The following IER3IP1 variants were observed in gnomAD, a reference collection of about 807,000 sequenced individuals.
IER3IP1 encodes immediate early response 3 interacting protein 1.
Under a neutral mutation model 12.2 loss-of-function variants are expected in IER3IP1, and 16 were observed. The observed-to-expected ratio is 1.31, with a 90% confidence interval of 0.89 to 1.99. The LOEUF (loss-of-function observed/expected upper bound fraction) is 1.99. Ranked by LOEUF, IER3IP1 falls within the 30% of genes most tolerant of loss-of-function variation. The pLI is 0.00. For missense variants in IER3IP1, 95 were observed against 95.8 expected, an observed-to-expected ratio of 0.99 and a Z score of 0.03; for synonymous variants, 42 against 40.0, an observed-to-expected ratio of 1.05 and a Z score of -0.19.
chr18:47,160,268 C>T (rs2063975869), intron 1 of IER3IP1, among the ~76,000 whole-genome samples: 1 of 152,130 alleles, frequency 6.6e-6, no homozygotes, highest in South Asian at 2.1e-4. Flanking sequence ...ATACATTCCA[C>T]ATCCACTTAT....
In IER3IP1 at chr18:47,176,335, G is replaced by T. The variant is rs779689955; in HGVS notation, c.-58C>A. On this transcript the variant is annotated 5_prime_UTR_variant, in exon 1 of 3. Transcript: ENST00000256433. ...TTTCTCTCCCGCCGCCGCAAGGGAC[G>T]TGGCGCCTCCACGGCCGGCGCCTTC... The T allele has an allele frequency of 8.2e-6, 12 of 1,470,472 alleles. No individual in the cohort carries two copies. The highest frequency in any genetic ancestry group is 1.1e-5 in the Non-Finnish European group (12 of 1,073,330). 91.1% of individuals were successfully genotyped at this position (1,470,472 alleles called of 1,614,324 possible).
chr18:47,168,945 A>G (rs1368677609), intron 1 of IER3IP1, among the ~76,000 whole-genome samples: 1 of 152,222 alleles, frequency 6.6e-6, no homozygotes, highest in Non-Finnish European at 1.5e-5. Flanking sequence ...CTTTCTGGAT[A>G]CCTTACAATT....
At chr18:47,159,756 T>C (rs1008490248) in intron 1 of IER3IP1, among the ~76,000 whole-genome samples, 1 of 152,162 alleles carries the variant, frequency 6.6e-6, no homozygotes, top group Non-Finnish European at 1.5e-5. Flanking sequence ...ATGTCCTACG[T>C]CACAATGAAT....
chr18:47,167,372 T>A (rs1174662704), intron 1 of IER3IP1, among the ~76,000 whole-genome samples: 1 of 152,122 alleles, frequency 6.6e-6, no homozygotes, highest in African/African-American at 2.4e-5. Flanking sequence ...GAGTTTTTAA[T>A]GTAAGGGCAC....
intron 1 of IER3IP1, among the ~76,000 whole-genome samples, chr18:47,173,848 C>T (rs1456253149): frequency 1.3e-5 from 2 of 152,156 alleles, no homozygotes; most frequent in African/African-American, 2.4e-5. Context: ...GCTGGAAATC[C>T]TTGGTATACC....
At position 47,176,316 on chromosome 18, in the gene IER3IP1, T is replaced by G; in HGVS notation, c.-39A>C. Reference sequence around the variant, plus strand: ...CGCCCCGAAGTCCAAGCGATTTCTCTCCCGCCGCCGCAAGGGACGTGGCGC... The same window carrying G: ...CGCCCCGAAGTCCAAGCGATTTCTCGCCCGCCGCCGCAAGGGACGTGGCGC... On this transcript the variant is annotated 5_prime_UTR_variant, in exon 1 of 3. Coordinates refer to ENST00000256433, the MANE Select transcript of IER3IP1 (RefSeq NM_016097.5). 1 of 1,541,804 alleles carries G rather than the reference T, an allele frequency of 6.5e-7. No homozygotes were observed. The highest frequency in any genetic ancestry group is 1.4e-5 in the African/African-American group (1 of 73,554).
At chr18:47,157,395 A>G (rs112106059) in intron 2 of IER3IP1, 41 bp downstream of exon 2, 5 of 1,547,534 alleles carry the variant, frequency 3.2e-6, no homozygotes, top group Non-Finnish European at 8.9e-7. Context: ...TTAAACCACA[A>G]CATTAAAACT....
intron 1 of IER3IP1, among the ~76,000 whole-genome samples, chr18:47,175,323 A>G (rs887310907): frequency 5.3e-5 from 8 of 152,178 alleles, no homozygotes; most frequent in African/African-American, 1.9e-4. Context: ...TGAGTGTCTG[A>G]ATGTCCTGAT....
chr18:47,167,098 T>A (rs77335447), intron 1 of IER3IP1, among the ~76,000 whole-genome samples: 1 of 152,082 alleles, frequency 6.6e-6, no homozygotes, highest in African/African-American at 2.4e-5. Flanking sequence ...TCACCCAGGC[T>A]GGAGTCCAGT....
intron 1 of IER3IP1, among the ~76,000 whole-genome samples, chr18:47,159,688 T>C (rs2063973398): frequency 6.6e-6 from 1 of 152,176 alleles, no homozygotes; most frequent in Non-Finnish European, 1.5e-5. Flanking sequence ...TTATGGGCAA[T>C]TGCATGGAGA....
Position 47,156,026 on chromosome 18 carries a change from CAG to C in IER3IP1, c.*149_*150del. The C allele has an allele frequency of 3.6e-6, 2 of 552,708 alleles. No individual in the cohort carries two copies. The highest frequency in any genetic ancestry group is 6.5e-6 in the Non-Finnish European group (2 of 308,714). The allele number at this position is 552,708 out of a possible 1,614,324, so 34.2% of individuals were successfully genotyped here. ...ACAAGTGCAACATTAAAAAAAAAAA[CAG>C]ATAAATAGAAACCCTGGTTTTATTT... On this transcript the variant is annotated 3_prime_UTR_variant, in exon 3 of 3. Transcript: ENST00000256433.
chr18:47,164,075 A>G (rs1414722820), intron 1 of IER3IP1, among the ~76,000 whole-genome samples: 1 of 152,098 alleles, frequency 6.6e-6, no homozygotes, highest in African/African-American at 2.4e-5. Flanking sequence ...TTTCTTTTAG[A>G]TCTGTTCCAA....
chr18:47,157,289 A>AAC, intron 2 of IER3IP1, 147 bp downstream of exon 2: 2 of 657,716 alleles, frequency 3.0e-6, no homozygotes, highest in Non-Finnish European at 2.6e-6. Flanking sequence ...AAAAAAAAAA[A>AAC]CCCAGTAACT....
At chr18:47,170,789 CTT>C (rs1179659852) in intron 1 of IER3IP1, among the ~76,000 whole-genome samples, 3 of 152,178 alleles carry the variant, frequency 2.0e-5, no homozygotes, top group East Asian at 3.9e-4. Flanking sequence ...GTAGTGGACT[CTT>C]TAGGATTTTC....
In IER3IP1 at chr18:47,154,781, C is replaced by T. The variant is rs998356560; in HGVS notation, c.*1396G>A. 1 of 152,080 alleles carries T rather than the reference C, an allele frequency of 6.6e-6. No individual in the cohort carries two copies. Among genetic ancestry groups the T allele is most frequent in the Non-Finnish European group, 1.5e-5 (1 of 68,014 alleles). 9.4% of individuals were successfully genotyped at this position (152,080 alleles called of 1,614,324 possible). On this transcript the variant is annotated 3_prime_UTR_variant, in exon 3 of 3. Transcript: ENST00000256433. ...TCACTGATCTCTAACTTAGGAAAGG[C>T]CAAAAGGTACTTAATACCTGCTCCA...
intron 1 of IER3IP1, among the ~76,000 whole-genome samples, chr18:47,163,586 G>C (rs1412875613): frequency 6.6e-6 from 1 of 152,222 alleles, no homozygotes; most frequent in East Asian, 1.9e-4. Flanking sequence ...GCTCAAGCCT[G>C]AGTGTGCTGC....
chr18:47,154,006 T>G lies in IER3IP1; in HGVS notation c.*2171A>C, dbSNP rs746503639. ...AAGTTTGAAAACCACTGTACTTGAT[T>G]AGCGATGAATTTGGTTAATATCTAC... On this transcript the variant is annotated 3_prime_UTR_variant, in exon 3 of 3. Transcript: ENST00000256433. 2 of 152,232 alleles carry G rather than the reference T, an allele frequency of 1.3e-5. No homozygotes were observed. The highest frequency in any genetic ancestry group is 4.8e-5 in the African/African-American group (2 of 41,448). The allele number at this position is 152,232 out of a possible 1,614,324, so 9.4% of individuals were successfully genotyped here.
intron 1 of IER3IP1, among the ~76,000 whole-genome samples, chr18:47,163,227 C>T (rs922138709): frequency 6.6e-6 from 1 of 152,120 alleles, no homozygotes; most frequent in African/African-American, 2.4e-5. Flanking sequence ...TGCTCTTACA[C>T]TTTAGGGTCA....
rs533139559 is a variant in IER3IP1 at position 47,154,670 on chromosome 18, C to T, written c.*1507G>A. On this transcript the variant is annotated 3_prime_UTR_variant, in exon 3 of 3. Transcript: ENST00000256433. ...CTAAAAGAACACGGCCTCTAAGTAC[C>T]AAATTAGTCATTCACATGAGCCAAG... is the stretch of plus-strand genomic sequence containing the variant. The T allele has an allele frequency of 6.6e-6, 1 of 152,268 alleles. No homozygotes were observed. The highest frequency in any genetic ancestry group is 2.1e-4 in the South Asian group (1 of 4,824). The allele number at this position is 152,268 out of a possible 1,614,324, so 9.4% of individuals were successfully genotyped here. A position where few individuals can be genotyped will look rare whatever the true frequency, so the allele number is the denominator to read the frequency against.
Sources: gnomAD v4.1 joint callset for allele counts (sites outside exome capture counted in the v4.1 genomes callset) on GRCh38, gnomAD v4.1.1 for gene constraint, MANE v1.5 for transcripts, NCBI Gene and HGNC (gene_info 2026-07-23, HGNC 2026-07-21) for gene names.